Variants in CLTRN observed in about 807,000 individuals in gnomAD.
CLTRN encodes collectrin, amino acid transport regulator, also known as collectrin.
Under a neutral mutation model 14.5 loss-of-function variants are expected in CLTRN, and 12 were observed. The observed-to-expected ratio is 0.83, with a 90% CI of 0.53 to 1.34. The LOEUF is 1.34. CLTRN is among the 40% of genes most tolerant of loss of function. CLTRN has a pLI of 0.00. For missense variants in CLTRN, 154 were observed against 165.1 expected (o/e 0.93, Z 0.37); for synonymous variants, 58 against 56.5 (o/e 1.03, Z -0.12).
chrX:15,634,711 C>G (rs982922471), intron 5 of CLTRN, among the ~76,000 whole-genome samples: 1 of 98,463 alleles, frequency 1.0e-5, no homozygotes, highest in Non-Finnish European at 2.0e-5. Flanking sequence ...CATATTCTCA[C>G]TCATAGGTGG....
intron 5 of CLTRN, among the ~76,000 whole-genome samples, chrX:15,633,091 T>C (rs1447012243): frequency 9.1e-6 from 1 of 110,336 alleles, no homozygotes. Context: ...CACAGTGAGA[T>C]TGATGGACTT....
chrX:15,674,434 G>A (rs1398295520), intron 1 of CLTRN, among the ~76,000 whole-genome samples: 1 of 111,705 alleles, frequency 9.0e-6, no homozygotes, highest in Non-Finnish European at 1.9e-5. Context: ...AAAGTCCGCT[G>A]ACTTTAAATG....
At chrX:15,671,070 A>G (rs1363093286) in intron 1 of CLTRN, among the ~76,000 whole-genome samples, 2 of 111,510 alleles carry the variant, frequency 1.8e-5, no homozygotes, top group African/African-American at 6.5e-5. Context: ...TTAAACTATC[A>G]TATTCATGGG....
chrX:15,672,812 T>C (rs771977195), intron 1 of CLTRN, among the ~76,000 whole-genome samples: 2 of 112,231 alleles, frequency 1.8e-5, no homozygotes, highest in African/African-American at 6.5e-5. Context: ...TCAGAACTTT[T>C]TCCTTCTGTG....
chrX:15,674,140 G>C (rs1368089336), intron 1 of CLTRN, among the ~76,000 whole-genome samples: 2 of 112,540 alleles, frequency 1.8e-5, no homozygotes, highest in African/African-American at 6.5e-5. Context: ...ATGAATGAAT[G>C]GCTAATGGAA....
intron 4 of CLTRN, among the ~76,000 whole-genome samples, chrX:15,641,829 T>A (rs1341594108): frequency 9.0e-6 from 1 of 111,387 alleles, no homozygotes; most frequent in Non-Finnish European, 1.9e-5. Flanking sequence ...GGCTGGTGGC[T>A]ACGGTACCGG....
Position 15,627,713 on chromosome X carries a change from T to C in CLTRN, c.*258A>G, listed in dbSNP as rs1447660047. On this transcript the variant is annotated 3_prime_UTR_variant, in exon 6 of 6. Coordinates refer to ENST00000380342, the MANE Select transcript of CLTRN (RefSeq NM_020665.6). ...TTCTAAAAATGCTTAAATCAATAAC[T>C]ACAAATACCACATGACCACATTTAT... is the stretch of plus-strand genomic sequence containing the variant. 8.6e-6 allele frequency: 2 copies of C among 231,787 alleles called. No homozygotes were observed. The highest frequency in any genetic ancestry group is 5.7e-5 in the African/African-American group (2 of 34,983). 19.1% of individuals were successfully genotyped at this position (231,787 alleles called of 1,213,427 possible).
At chrX:15,646,570 G>T in intron 3 of CLTRN, 2 of 340,172 alleles carry the variant, frequency 5.9e-6, no homozygotes, top group Middle Eastern at 4.4e-4. Context: ...CACGGGAAGC[G>T]CTGGGTCTGC....
chrX:15,668,588 T>C (rs781476405), upstream of CLTRN, among the ~76,000 whole-genome samples: 1 of 112,147 alleles, frequency 8.9e-6, no homozygotes, highest in Non-Finnish European at 1.9e-5. Flanking sequence ...TTAAACCTAT[T>C]TTCTTAAAAG....
At chrX:15,646,713 C>G in intron 3 of CLTRN, 1 of 341,396 alleles carries the variant, frequency 2.9e-6, no homozygotes, top group Admixed American at 3.1e-5. Context: ...TCCCAACAGG[C>G]TGCCGCTGCT....
intron 2 of CLTRN, among the ~76,000 whole-genome samples, chrX:15,661,671 C>T (rs1929510875): frequency 8.9e-6 from 1 of 111,957 alleles, no homozygotes; most frequent in South Asian, 3.7e-4. Flanking sequence ...CTTTATGATC[C>T]ATTAATCTAC....
At chrX:15,663,139 G>A (rs748763802) in intron 2 of CLTRN, among the ~76,000 whole-genome samples, 2 of 111,813 alleles carry the variant, frequency 1.8e-5, no homozygotes, top group South Asian at 3.7e-4. Flanking sequence ...ACTTCTTCCC[G>A]TAATACTTGT....
At chrX:15,659,535 T>C (rs1413415841) in intron 2 of CLTRN, among the ~76,000 whole-genome samples, 1 of 111,833 alleles carries the variant, frequency 8.9e-6, no homozygotes, top group Non-Finnish European at 1.9e-5. Context: ...GCGTGCATAT[T>C]ATGGGCTGAA....
Position 15,627,840 on chromosome X carries a change from G to T in CLTRN, c.*131C>A. 1 of 482,791 alleles carries T rather than the reference G, an allele frequency of 2.1e-6. No individual in the cohort carries two copies. Among genetic ancestry groups the T allele is most frequent in the Non-Finnish European group, 3.0e-6 (1 of 332,548 alleles). 39.8% of individuals were successfully genotyped at this position (482,791 alleles called of 1,213,427 possible). On this transcript the variant is annotated 3_prime_UTR_variant, in exon 6 of 6. Transcript: ENST00000380342. ...ATAATTGATTGCTTTTCACTTTCAAGCACATTCAAAATTTATTACAAAAGA... is the reference window on the plus strand; with the variant it reads ...ATAATTGATTGCTTTTCACTTTCAATCACATTCAAAATTTATTACAAAAGA...
chrX:15,633,991 T>C (rs760202246), intron 5 of CLTRN, among the ~76,000 whole-genome samples: 2 of 112,056 alleles, frequency 1.8e-5, no homozygotes, highest in Non-Finnish European at 3.8e-5. Flanking sequence ...TTCTGGAGGG[T>C]TGGATTTGGA....
At chrX:15,633,329 C>T (rs900241909) in intron 5 of CLTRN, among the ~76,000 whole-genome samples, 1 of 112,277 alleles carries the variant, frequency 8.9e-6, no homozygotes, top group East Asian at 2.8e-4. Context: ...TCAAATCCAT[C>T]GTTTTAACCA....
rs781333104 is a variant in CLTRN, at chrX:15,644,496, A to G, written c.317+420T>C. Reference sequence around the variant, plus strand: ...ATTAACTAATGAGATAAAATTTTTGATAGTAATAATGATTAGTTTGCATGA... The same window carrying G: ...ATTAACTAATGAGATAAAATTTTTGGTAGTAATAATGATTAGTTTGCATGA... On this transcript the variant is annotated intron_variant, in intron 4 of 5. Transcript: ENST00000380342. Among the ~76,000 whole-genome samples the G allele has an allele frequency of 3.6e-5, 4 of 111,796 alleles. No individual in the cohort carries two copies. The South Asian group carries it at 1.1e-3, about 31-fold the overall frequency.
chrX:15,665,529 A>G (rs1266904591), upstream of CLTRN, among the ~76,000 whole-genome samples: 2 of 112,182 alleles, frequency 1.8e-5, no homozygotes, highest in African/African-American at 6.5e-5. Context: ...AATTAAATCA[A>G]AGTTAATGAT....
chrX:15,664,067 C>T (rs1929567881), intron 2 of CLTRN, among the ~76,000 whole-genome samples: 2 of 112,068 alleles, frequency 1.8e-5, no homozygotes, highest in Admixed American at 9.5e-5. Flanking sequence ...TTCACTATCC[C>T]GAGTTGAGAT....
Sources: allele counts gnomAD v4.1 joint callset (sites outside exome capture counted in the v4.1 genomes callset), GRCh38; gene constraint gnomAD v4.1.1; transcripts MANE v1.5; gene names NCBI Gene and HGNC (gene_info 2026-07-23, HGNC 2026-07-21).